MACROD2: variants seen among roughly 807,000 people sequenced by gnomAD.
The protein encoded by MACROD2 is mono-ADP ribosylhydrolase 2, also known as ADP-ribose glycohydrolase MACROD2.
In MACROD2, 36 loss-of-function variants were observed where a neutral mutation model predicts 70.4. The ratio of observed to expected loss-of-function variants is 0.51; its 90% CI spans 0.39 to 0.68. The LOEUF is 0.68. Among genes scored for constraint, MACROD2 ranks in the 30% least tolerant of loss-of-function variants. The probability of loss-of-function intolerance (pLI) is 0.00; values close to 1 mark genes in which losing one functional copy is unlikely to be tolerated. For missense variants in MACROD2, 496 were observed against 538.4 expected, an observed-to-expected ratio of 0.92 and a Z score of 0.78; for synonymous variants, 172 against 178.8, an observed-to-expected ratio of 0.96 and a Z score of 0.30.
intron 8 of MACROD2, among the ~76,000 whole-genome samples, chr20:15,675,750 C>T (rs140556818): frequency 1.7e-4 from 26 of 152,256 alleles, no homozygotes; most frequent in African/African-American, 6.3e-4. Flanking sequence ...GCAGCAGCCT[C>T]AGAAGTACCA....
At chr20:14,627,326 C>T (rs1454700391) in intron 4 of MACROD2, among the ~76,000 whole-genome samples, 2 of 152,136 alleles carry the variant, frequency 1.3e-5, no homozygotes, top group East Asian at 3.9e-4. Context: ...GCCATGGTTC[C>T]TCCCTGGCAG....
intron 5 of MACROD2, among the ~76,000 whole-genome samples, chr20:14,969,021 T>C (rs943520467): frequency 6.6e-6 from 1 of 152,130 alleles, no homozygotes; most frequent in Non-Finnish European, 1.5e-5. Context: ...CTTTTGATAG[T>C]AGGTATTTCA....
intron 4 of MACROD2, among the ~76,000 whole-genome samples, chr20:14,524,083 A>G (rs1432481555): frequency 6.6e-6 from 1 of 152,206 alleles, no homozygotes; most frequent in Non-Finnish European, 1.5e-5. Flanking sequence ...TAGGTTGATT[A>G]TATAATTTAT....
intron 5 of MACROD2, among the ~76,000 whole-genome samples, chr20:15,228,572 C>A (rs1226681489): frequency 6.9e-6 from 1 of 144,522 alleles, no homozygotes; most frequent in Admixed American, 7.2e-5. Flanking sequence ...TCACTGCAAG[C>A]TCCGACTCCC....
chr20:14,932,197 G>T (rs2122681595), intron 5 of MACROD2, among the ~76,000 whole-genome samples: 1 of 152,206 alleles, frequency 6.6e-6, no homozygotes, highest in South Asian at 2.1e-4. Flanking sequence ...GAAGGGAGTT[G>T]CTGGGAGTTC....
chr20:15,396,673 G>C (rs551760496), intron 6 of MACROD2, among the ~76,000 whole-genome samples: 3 of 152,124 alleles, frequency 2.0e-5, no homozygotes, highest in Non-Finnish European at 4.4e-5. Context: ...GTTTTTGTTT[G>C]TTTGTTTTGG....
At chr20:14,528,379 C>G (rs1293626411) in intron 4 of MACROD2, among the ~76,000 whole-genome samples, 1 of 149,366 alleles carries the variant, frequency 6.7e-6, no homozygotes, top group Non-Finnish European at 1.5e-5. Flanking sequence ...GTCTCCAACT[C>G]CAGACCTCTG....
intron 3 of MACROD2, among the ~76,000 whole-genome samples, chr20:14,304,519 G>A (rs1378943158): frequency 6.6e-6 from 1 of 152,106 alleles, no homozygotes. Context: ...CATTTTCTTT[G>A]GTTTGTTTAT....
chr20:14,478,632 T>A (rs140267620), intron 3 of MACROD2, among the ~76,000 whole-genome samples: 1 of 152,240 alleles, frequency 6.6e-6, no homozygotes, highest in Non-Finnish European at 1.5e-5. Context: ...CAGTACTCCT[T>A]CAGGGCCTAC....
chr20:14,235,194 A>C (rs1569219983), intron 3 of MACROD2, among the ~76,000 whole-genome samples: 1 of 152,236 alleles, frequency 6.6e-6, no homozygotes, highest in Non-Finnish European at 1.5e-5. Flanking sequence ...GAAGGGGATA[A>C]AATTTATATT....
At chr20:15,603,246 C>T (rs1026993862) in intron 8 of MACROD2, among the ~76,000 whole-genome samples, 4 of 151,900 alleles carry the variant, frequency 2.6e-5, no homozygotes, top group Admixed American at 2.6e-4. Context: ...TGCTTGTAAT[C>T]CCAGCACTTT....
At chr20:14,182,658 A>G (rs2081314037) in intron 3 of MACROD2, among the ~76,000 whole-genome samples, 1 of 152,162 alleles carries the variant, frequency 6.6e-6, no homozygotes, top group African/African-American at 2.4e-5. Context: ...GTCTTGAGTT[A>G]AATTTTATAT....
intron 6 of MACROD2, among the ~76,000 whole-genome samples, chr20:15,387,611 C>T (rs905616318): frequency 1.3e-5 from 2 of 151,842 alleles, no homozygotes; most frequent in Non-Finnish European, 2.9e-5. Flanking sequence ...TTTTGTTCCA[C>T]CCTCTACACC....
chr20:14,622,155 TTTCCATTGGATAATA>T (rs1983866050), intron 4 of MACROD2, among the ~76,000 whole-genome samples: 1 of 152,174 alleles, frequency 6.6e-6, no homozygotes, highest in Non-Finnish European at 1.5e-5. Context: ...TCTACATATA[TTTCCATTGGATAATA>T]AAGATATTAG....
intron 8 of MACROD2, among the ~76,000 whole-genome samples, chr20:15,562,310 T>C (rs138822627): frequency 4.9e-4 from 75 of 152,278 alleles, no homozygotes; most frequent in Middle Eastern, 3.4e-3. Context: ...GGGGCCTTCA[T>C]ATAAGTATGT....
At chr20:14,450,248 T>C (rs1053306822) in intron 3 of MACROD2, among the ~76,000 whole-genome samples, 6 of 152,128 alleles carry the variant, frequency 3.9e-5, no homozygotes, top group Non-Finnish European at 8.8e-5. Context: ...CCACTGCAAC[T>C]GTTTGCTTTT....
chr20:14,683,668 C>G (rs546489043), intron 4 of MACROD2, among the ~76,000 whole-genome samples: 5 of 152,184 alleles, frequency 3.3e-5, no homozygotes, highest in Non-Finnish European at 5.9e-5. Context: ...AGTTATACTT[C>G]CCTTAGTGCC....
chr20:14,167,291 T>G (rs1016360223), intron 3 of MACROD2, among the ~76,000 whole-genome samples: 1 of 152,132 alleles, frequency 6.6e-6, no homozygotes, highest in African/African-American at 2.4e-5. Flanking sequence ...GTTTTCTCAT[T>G]TTTTTCACAT....
At chr20:15,344,651 G>A (rs1260695300) in intron 6 of MACROD2, among the ~76,000 whole-genome samples, 2 of 152,118 alleles carry the variant, frequency 1.3e-5, no homozygotes, top group Non-Finnish European at 2.9e-5. Context: ...ATTTCTGAAT[G>A]TGAGTGCCAC....
Sources: gnomAD v4.1 joint callset for allele counts (sites outside exome capture counted in the v4.1 genomes callset) on GRCh38, gnomAD v4.1.1 for gene constraint, MANE v1.5 for transcripts, NCBI Gene and HGNC (gene_info 2026-07-23, HGNC 2026-07-21) for gene names.